Variants in URB1 observed in about 807,000 individuals in gnomAD.
The protein encoded by URB1 is nucleolar pre-ribosomal-associated protein 1.
In URB1, 197 loss-of-function variants were observed where a neutral mutation model predicts 242.3. The ratio of observed to expected loss-of-function variants is 0.81; its 90% CI spans 0.72 to 0.91. The LOEUF is 0.91. URB1 is among the 40% of genes least tolerant of loss of function. URB1 has a pLI of 0.00. For missense variants in URB1, 2,721 were observed against 2,860.5 expected (o/e 0.95, Z 1.11); for synonymous variants, 1,153 against 1,201.8 (o/e 0.96, Z 0.84).
At chr21:32,369,975 C>CAAAA (rs34377037) in intron 8 of URB1, among the ~76,000 whole-genome samples, 3 of 88,532 alleles carry the variant, frequency 3.4e-5, no homozygotes, top group Admixed American at 1.2e-4. Context: ...GTCTCCATCT[C>CAAAA]AAAAAAAAAA....
chr21:32,371,268 T>G (rs1365321777), intron 8 of URB1, among the ~76,000 whole-genome samples: 2 of 152,222 alleles, frequency 1.3e-5, no homozygotes, highest in Non-Finnish European at 2.9e-5. Flanking sequence ...ACACTTGTCT[T>G]TTGCCCATGG....
Position 32,362,838 on chromosome 21 carries a change from G to A in URB1, c.1509+318C>T, listed in dbSNP as rs116227313. Among the ~76,000 whole-genome samples the A allele has an allele frequency of 4.7e-3, 716 of 152,240 alleles. 5 individuals carry two copies. Among genetic ancestry groups the A allele is most frequent in the African/African-American group, 0.016 (682 of 41,546 alleles). ...GGGGTAAGGACACAATCTACCCCTC[G>A]ACAACATCACCACGGCTCCTGATTG... On this transcript the variant is annotated intron_variant, in intron 11 of 38. Coordinates refer to ENST00000382751, the MANE Select transcript of URB1 (RefSeq NM_014825.3).
chr21:32,321,525 G>A (rs1477740575), intron 34 of URB1, among the ~76,000 whole-genome samples: 1 of 152,180 alleles, frequency 6.6e-6, no homozygotes, highest in East Asian at 1.9e-4. Context: ...TATATGCCAA[G>A]GGCCGTATAC....
At chr21:32,327,413 C>CA (rs777572165) in intron 30 of URB1, among the ~76,000 whole-genome samples, 48 of 151,774 alleles carry the variant, frequency 3.2e-4, no homozygotes, top group Non-Finnish European at 5.6e-4. Flanking sequence ...TTTTCAGACA[C>CA]AAAAAAGCTA....
intron 13 of URB1, 88 bp from the exon 14 acceptor site, chr21:32,359,996 C>T: frequency 8.3e-7 from 1 of 1,200,292 alleles, no homozygotes; most frequent in Non-Finnish European, 1.2e-6. Flanking sequence ...ACAAGGAACT[C>T]ACCATGGAGA....
intron 1 of URB1, among the ~76,000 whole-genome samples, chr21:32,391,274 C>T (rs1044423890): frequency 2.0e-5 from 3 of 151,518 alleles, no homozygotes; most frequent in Admixed American, 6.6e-5. Flanking sequence ...GGTTAAATGA[C>T]GAGTTAATGG....
At chr21:32,319,104 G>A (rs1306894200) in intron 36 of URB1, 113 bp downstream of exon 36, 12 of 1,070,356 alleles carry the variant, frequency 1.1e-5, no homozygotes, top group East Asian at 8.6e-5. Flanking sequence ...AGCAGATCAC[G>A]GCCCAGCGTC....
intron 30 of URB1, 98 bp from the exon 31 acceptor site, chr21:32,325,487 C>G: frequency 7.1e-7 from 1 of 1,412,702 alleles, no homozygotes; most frequent in Non-Finnish European, 9.5e-7. Flanking sequence ...TTACCAATAG[C>G]TACATGTGCC....
In URB1 at chr21:32,317,033, G is replaced by C. The variant is rs1837016803; in HGVS notation, c.6067C>G (p.Pro2023Ala). The change falls in exon 38 of 39, where the codon CCA (proline) becomes GCA (alanine). Residue 2023 changes from proline (P) to alanine (A), a missense_variant. Physicochemically the swap from Pro to Ala is conservative, Grantham distance 27. Coordinates refer to ENST00000382751, the MANE Select transcript of URB1 (RefSeq NM_014825.3). ...MLKDKNKPVM[P>A]ARAKGPRGRK... ...CCCCGTGGGCCTTTGGCTCGGGCTG[G>C]CATGACAGGCTTGTTCTTATCCTTG... is the stretch of plus-strand genomic sequence containing the variant. 8 of 1,547,630 alleles carry C rather than the reference G, an allele frequency of 5.2e-6. No homozygotes were observed. The highest frequency in any genetic ancestry group is 2.4e-5 in the South Asian group (2 of 83,448).
chr21:32,318,498 T>C (rs1259024248), intron 36 of URB1, among the ~76,000 whole-genome samples: 1 of 152,276 alleles, frequency 6.6e-6, no homozygotes, highest in East Asian at 1.9e-4. Flanking sequence ...AAAGGTTGAC[T>C]ATCCAGCACG....
chr21:32,329,838 C>G (rs2032872981), intron 30 of URB1, among the ~76,000 whole-genome samples: 1 of 152,212 alleles, frequency 6.6e-6, no homozygotes, highest in Non-Finnish European at 1.5e-5. Flanking sequence ...CTACACTCTG[C>G]ATAGCTGAAT....
intron 38 of URB1, among the ~76,000 whole-genome samples, chr21:32,315,799 G>A (rs931269009): frequency 1.3e-5 from 2 of 152,140 alleles, no homozygotes; most frequent in African/African-American, 4.8e-5. Context: ...CCCCAACTGC[G>A]GCCAGACCAG....
chr21:32,380,765 A>G (rs953513587), intron 4 of URB1, among the ~76,000 whole-genome samples: 1 of 152,214 alleles, frequency 6.6e-6, no homozygotes, highest in African/African-American at 2.4e-5. Flanking sequence ...TGGCAAAATT[A>G]AATTAAGTTC....
Position 32,353,936 on chromosome 21 carries a change from C to T in URB1, c.2413G>A (p.Ala805Thr). 6.4e-7 allele frequency: 1 copy of T among 1,551,630 alleles called. No homozygotes were observed. Among genetic ancestry groups the T allele is most frequent in the Non-Finnish European group, 8.7e-7 (1 of 1,146,920 alleles). Reference protein sequence around the residue: ...NKLLLGTGNEAAENVVTYLTA... With the variant: ...NKLLLGTGNETAENVVTYLTA... ...CATCCTGACTATACATAGGTACCTGCTTCATTGCCTGTCCCAAGGAGCAAC... is the reference window on the plus strand; with the variant it reads ...CATCCTGACTATACATAGGTACCTGTTTCATTGCCTGTCCCAAGGAGCAAC... Residue 805 changes from alanine (A) to threonine (T), a missense_variant, in exon 18 of 39, where the codon GCA (alanine) becomes ACA (threonine). Physicochemically the swap from Ala to Thr is moderately conservative, Grantham distance 58. Transcript: ENST00000382751.
chr21:32,339,314 A>G (rs944210899), intron 25 of URB1, among the ~76,000 whole-genome samples: 31 of 151,524 alleles, frequency 2.0e-4, no homozygotes, highest in African/African-American at 7.3e-4. Flanking sequence ...TATTTTATTA[A>G]GAAAATGTTC....
At chr21:32,332,094 C>A (rs968649837) in intron 30 of URB1, among the ~76,000 whole-genome samples, 1 of 152,216 alleles carries the variant, frequency 6.6e-6, no homozygotes, top group Non-Finnish European at 1.5e-5. Flanking sequence ...CACACAGAGG[C>A]TGTAACAACT....
At chr21:32,329,106 C>CAAA (rs5843551) in intron 30 of URB1, among the ~76,000 whole-genome samples, 5 of 147,572 alleles carry the variant, frequency 3.4e-5, no homozygotes, top group African/African-American at 1.2e-4. Flanking sequence ...CAGTCTCTAC[C>CAAA]AAAAAAAAAA....
Position 32,333,748 on chromosome 21 carries a change from G to A in URB1, c.4858-329C>T, listed in dbSNP as rs371730102. Among the ~76,000 whole-genome samples the A allele has an allele frequency of 1.5e-3, 224 of 152,248 alleles. 3 individuals carry two copies. The highest frequency in any genetic ancestry group is 5.2e-3 in the African/African-American group (214 of 41,530). On this transcript the variant is annotated intron_variant, in intron 29 of 38. Coordinates refer to ENST00000382751, the MANE Select transcript of URB1 (RefSeq NM_014825.3). ...AGTGCTCAAAAAGCTTCAAATTTTG[G>A]AACATTTCAGATTTGGGATTTTCAG...
At chr21:32,356,096 T>A (rs1279753562) in intron 15 of URB1, among the ~76,000 whole-genome samples, 5 of 152,202 alleles carry the variant, frequency 3.3e-5, no homozygotes, top group African/African-American at 1.2e-4. Flanking sequence ...GACAATATAA[T>A]CTGGCCAGGC....
Sources: allele counts gnomAD v4.1 joint callset (sites outside exome capture counted in the v4.1 genomes callset), GRCh38; gene constraint gnomAD v4.1.1; transcripts MANE v1.5; gene names NCBI Gene and HGNC (gene_info 2026-07-23, HGNC 2026-07-21).